Variants in ENTPD1 observed in about 807,000 individuals in gnomAD.
ENTPD1 encodes ectonucleoside triphosphate diphosphohydrolase 1, also known as ATP diphosphohydrolase.
In ENTPD1, 33 loss-of-function variants were observed where a neutral mutation model predicts 57.0. That is an observed-to-expected ratio of 0.58 (90% CI 0.44 to 0.77). The LOEUF (loss-of-function observed/expected upper bound fraction) is 0.77, where lower values mean the gene tolerates loss of function less well. Ranked by LOEUF, ENTPD1 falls within the 30% of genes least tolerant of loss-of-function variation. The pLI is 0.00. For missense variants in ENTPD1, 501 were observed against 603.4 expected (o/e 0.83, Z 1.78); for synonymous variants, 202 against 218.8 (o/e 0.92, Z 0.68).
intron 1 of ENTPD1, among the ~76,000 whole-genome samples, chr10:95,783,813 C>T (rs978529045): frequency 4.0e-5 from 6 of 151,896 alleles, no homozygotes; most frequent in African/African-American, 1.4e-4. Flanking sequence ...GGGCAAGTCA[C>T]GTGGCAAAAA....
At chr10:95,851,395 A>C (rs532399155) in intron 7 of ENTPD1, among the ~76,000 whole-genome samples, 1 of 152,218 alleles carries the variant, frequency 6.6e-6, no homozygotes, top group South Asian at 2.1e-4. Context: ...TAAAATCCCC[A>C]AAAACTTAAC....
intron 3 of ENTPD1, among the ~76,000 whole-genome samples, chr10:95,840,239 C>T (rs1473466192): frequency 3.3e-5 from 5 of 152,174 alleles, no homozygotes; most frequent in Non-Finnish European, 7.3e-5. Context: ...AAGTTCTGCC[C>T]GACTTCAAGT....
At chr10:95,841,194 G>A (rs2098421798) in intron 3 of ENTPD1, among the ~76,000 whole-genome samples, 1 of 152,112 alleles carries the variant, frequency 6.6e-6, no homozygotes, top group Non-Finnish European at 1.5e-5. Context: ...AGACCATCCT[G>A]GCTAACACGG....
chr10:95,719,079 T>C (rs2139821847), intron 1 of ENTPD1, among the ~76,000 whole-genome samples: 1 of 152,204 alleles, frequency 6.6e-6, no homozygotes, highest in East Asian at 1.9e-4. Flanking sequence ...CGGTAAGATC[T>C]CTTCCCTGTA....
chr10:95,694,835 G>A, the ENTPD1 span, among the ~76,000 whole-genome samples: 2 of 151,454 alleles, frequency 1.3e-5, no homozygotes, highest in African/African-American at 4.9e-5. Context: ...CAGCATGGTA[G>A]TCACCGGCCT....
chr10:95,700,862 G>A, the ENTPD1 span, among the ~76,000 whole-genome samples: 3 of 150,086 alleles, frequency 2.0e-5, no homozygotes, highest in Non-Finnish European at 3.0e-5. Context: ...GCATGATCTC[G>A]GCTCACTGCA....
chr10:95,845,874 A>T, intron 6 of ENTPD1: 1 of 486,636 alleles, frequency 2.1e-6, no homozygotes, highest in Non-Finnish European at 3.7e-6. Flanking sequence ...TGATAATGAA[A>T]ATTATGTGGT....
At chr10:95,760,656 C>T (rs2098054085) in intron 1 of ENTPD1, among the ~76,000 whole-genome samples, 1 of 151,964 alleles carries the variant, frequency 6.6e-6, no homozygotes, top group South Asian at 2.1e-4. Flanking sequence ...AGTGCTTTCC[C>T]TCTTGTGTTG....
chr10:95,773,564 G>A (rs117212650), intron 1 of ENTPD1, among the ~76,000 whole-genome samples: 1,558 of 152,156 alleles, frequency 0.01, 19 homozygotes, highest in Middle Eastern at 0.024. Flanking sequence ...AAAGGCCCTA[G>A]GATTTTCAGA....
chr10:95,853,296 T>C (rs1181862652), intron 7 of ENTPD1, among the ~76,000 whole-genome samples: 2 of 152,254 alleles, frequency 1.3e-5, no homozygotes, highest in East Asian at 1.9e-4. Context: ...CCTGAGACTT[T>C]GCTGAAGTTG....
At chr10:95,706,153 A>T in the ENTPD1 span, among the ~76,000 whole-genome samples, 1 of 152,308 alleles carries the variant, frequency 6.6e-6, no homozygotes, top group South Asian at 2.1e-4. Flanking sequence ...ACACAAAAGA[A>T]CATATTATAT....
intron 7 of ENTPD1, among the ~76,000 whole-genome samples, chr10:95,855,353 T>C (rs1049337468): frequency 6.6e-6 from 1 of 152,136 alleles, no homozygotes; most frequent in African/African-American, 2.4e-5. Flanking sequence ...ATGGGTTTCC[T>C]GAATACAGCA....
intron 1 of ENTPD1, among the ~76,000 whole-genome samples, chr10:95,781,347 C>T (rs946659690): frequency 2.0e-5 from 3 of 151,968 alleles, no homozygotes; most frequent in Admixed American, 6.6e-5. Flanking sequence ...TATTTGATAG[C>T]GCAACAGGGT....
intron 1 of ENTPD1, among the ~76,000 whole-genome samples, chr10:95,806,703 C>T (rs1346484101): frequency 6.6e-6 from 1 of 152,194 alleles, no homozygotes; most frequent in Non-Finnish European, 1.5e-5. Context: ...GATGTTGATG[C>T]TATTTCCTTC....
At chr10:95,777,497 T>A (rs1308934578) in intron 1 of ENTPD1, among the ~76,000 whole-genome samples, 2 of 152,168 alleles carry the variant, frequency 1.3e-5, no homozygotes, top group Non-Finnish European at 2.9e-5. Context: ...GAACAGCAAA[T>A]ATTGCTGCCT....
chr10:95,713,414 T>A (rs1424090755), intron 1 of ENTPD1, among the ~76,000 whole-genome samples: 1 of 152,262 alleles, frequency 6.6e-6, no homozygotes, highest in African/African-American at 2.4e-5. Flanking sequence ...GACACAATAG[T>A]GTCTTGGCTT....
intron 1 of ENTPD1, among the ~76,000 whole-genome samples, chr10:95,797,106 A>G (rs921689210): frequency 5.3e-5 from 8 of 152,066 alleles, no homozygotes; most frequent in African/African-American, 1.9e-4. Context: ...GGAGATAAAC[A>G]AATAGATTTG....
At chr10:95,853,151 C>A (rs1287304920) in intron 7 of ENTPD1, among the ~76,000 whole-genome samples, 2 of 152,164 alleles carry the variant, frequency 1.3e-5, no homozygotes, top group African/African-American at 4.8e-5. Context: ...CTTCACATCC[C>A]TTGTAAGTTG....
chr10:95,711,909 G>A (rs778053609), exon 1 of ENTPD1: 1 of 1,612,166 alleles, frequency 6.2e-7, no homozygotes, highest in South Asian at 1.1e-5. Context: ...TCCAGTTTTG[G>A]TGCTGTGAAC....
Sources: allele counts gnomAD v4.1 joint callset (sites outside exome capture counted in the v4.1 genomes callset), GRCh38; gene constraint gnomAD v4.1.1; transcripts MANE v1.5; gene names NCBI Gene and HGNC (gene_info 2026-07-23, HGNC 2026-07-21).